The following SIPA1L1 variants were observed in gnomAD, a reference collection of about 807,000 sequenced individuals.
The protein encoded by SIPA1L1 is signal-induced proliferation-associated 1-like protein 1.
A neutral mutation model predicts 162.7 loss-of-function variants in SIPA1L1; 26 were observed. The ratio of observed to expected loss-of-function variants is 0.16; its 90% CI spans 0.12 to 0.22. The LOEUF is 0.22. SIPA1L1 is among the 10% of genes least tolerant of loss of function. The pLI is 1.00. For missense variants in SIPA1L1, 1,874 were observed against 2,241.0 expected (o/e 0.84, Z 3.31); for synonymous variants, 829 against 837.4 (o/e 0.99, Z 0.17).
chr14:71,630,690 G>C (rs2040478391), intron 7 of SIPA1L1, among the ~76,000 whole-genome samples: 1 of 152,050 alleles, frequency 6.6e-6, no homozygotes, highest in Non-Finnish European at 1.5e-5. Flanking sequence ...TTTACATTCA[G>C]GGGTTCCATT....
chr14:71,643,745 C>T (rs1196280417), intron 7 of SIPA1L1, among the ~76,000 whole-genome samples: 1 of 152,156 alleles, frequency 6.6e-6, no homozygotes, highest in Non-Finnish European at 1.5e-5. Flanking sequence ...ACGGCCTTTT[C>T]AGATAATTGT....
intron 2 of SIPA1L1, among the ~76,000 whole-genome samples, chr14:71,482,569 A>T (rs538862479): frequency 6.6e-6 from 1 of 152,330 alleles, no homozygotes; most frequent in African/African-American, 2.4e-5. Context: ...AAGTGTGTGG[A>T]AACGCGCCTC....
At chr14:71,678,745 T>C (rs910560913) in intron 12 of SIPA1L1, among the ~76,000 whole-genome samples, 8 of 152,070 alleles carry the variant, frequency 5.3e-5, no homozygotes, top group African/African-American at 1.9e-4. Flanking sequence ...TCTGGTAGAA[T>C]TCGGCTGTGA....
At chr14:71,355,884 G>GT (rs2037194587) in intron 2 of SIPA1L1, among the ~76,000 whole-genome samples, 1 of 152,220 alleles carries the variant, frequency 6.6e-6, no homozygotes, top group Non-Finnish European at 1.5e-5. Flanking sequence ...GTTGGTTGGG[G>GT]TTTTTTGTTA....
chr14:71,635,856 TGAAAG>T (rs2041092278), intron 7 of SIPA1L1, among the ~76,000 whole-genome samples: 1 of 152,010 alleles, frequency 6.6e-6, no homozygotes. Flanking sequence ...TATAAGTAGT[TGAAAG>T]GAAAGAATGG....
At chr14:71,705,150 C>T in intron 15 of SIPA1L1, 72 bp from the exon 16 acceptor site, 1 of 1,050,654 alleles carries the variant, frequency 9.5e-7, no homozygotes, top group Non-Finnish European at 1.5e-6. Flanking sequence ...CAATGGCAAG[C>T]CATCTTCATT....
At chr14:71,363,654 A>T (rs779729986) in intron 2 of SIPA1L1, among the ~76,000 whole-genome samples, 1 of 152,242 alleles carries the variant, frequency 6.6e-6, no homozygotes, top group South Asian at 2.1e-4. Flanking sequence ...GAAGAAGGAC[A>T]TTGGCAACTG....
intron 2 of SIPA1L1, among the ~76,000 whole-genome samples, chr14:71,474,841 A>G (rs897928130): frequency 6.6e-6 from 1 of 152,208 alleles, no homozygotes; most frequent in Admixed American, 6.5e-5. Flanking sequence ...GGCATTGCTA[A>G]TATATTCCAG....
chr14:71,416,097 A>G (rs569172970), intron 2 of SIPA1L1: 9 of 152,166 alleles, frequency 5.9e-5, no homozygotes, highest in African/African-American at 2.2e-4. Flanking sequence ...GAGGCCAGGC[A>G]CTTGTTTAGC....
chr14:71,639,898 GT>G (rs965400730), intron 7 of SIPA1L1, among the ~76,000 whole-genome samples: 10 of 92,438 alleles, frequency 1.1e-4, no homozygotes, highest in African/African-American at 2.2e-4. Flanking sequence ...GACTTTTTGG[GT>G]TTTTTTGTTT....
At chr14:71,682,067 G>A (rs1193940696) in intron 12 of SIPA1L1, among the ~76,000 whole-genome samples, 3 of 152,176 alleles carry the variant, frequency 2.0e-5, no homozygotes, top group Non-Finnish European at 4.4e-5. Context: ...TACCTACATA[G>A]TATGTATTAA....
chr14:71,569,639 T>G (rs1349338625), intron 4 of SIPA1L1, among the ~76,000 whole-genome samples: 2 of 152,180 alleles, frequency 1.3e-5, no homozygotes, highest in African/African-American at 4.8e-5. Context: ...GTAATAATAT[T>G]TAGTAGCTTG....
chr14:71,615,490 T>C (rs1347397281), intron 5 of SIPA1L1, among the ~76,000 whole-genome samples: 1 of 152,212 alleles, frequency 6.6e-6, no homozygotes, highest in African/African-American at 2.4e-5. Context: ...GATGATAGGA[T>C]AAATCAGTGG....
At chr14:71,525,865 G>A (rs976276038) in intron 3 of SIPA1L1, among the ~76,000 whole-genome samples, 7 of 152,172 alleles carry the variant, frequency 4.6e-5, no homozygotes, top group East Asian at 1.9e-4. Flanking sequence ...AGCAGATTAT[G>A]TTAAAATGCA....
chr14:71,487,740 G>A (rs2048889394), intron 2 of SIPA1L1, among the ~76,000 whole-genome samples: 1 of 152,170 alleles, frequency 6.6e-6, no homozygotes, highest in African/African-American at 2.4e-5. Flanking sequence ...ACCATGCTTT[G>A]TTTTATTGAA....
intron 2 of SIPA1L1, among the ~76,000 whole-genome samples, chr14:71,458,589 G>T (rs2046353470): frequency 6.6e-6 from 1 of 152,140 alleles, no homozygotes; most frequent in South Asian, 2.1e-4. Flanking sequence ...TATATAATAA[G>T]AAGTGGAAGT....
chr14:71,428,530 C>G (rs766514689), intron 2 of SIPA1L1, among the ~76,000 whole-genome samples: 27 of 151,960 alleles, frequency 1.8e-4, no homozygotes, highest in Non-Finnish European at 2.6e-4. Flanking sequence ...CTAATTTTCC[C>G]CATATATGTG....
chr14:71,662,067 C>T (rs1048001118), intron 10 of SIPA1L1, among the ~76,000 whole-genome samples: 10 of 152,282 alleles, frequency 6.6e-5, no homozygotes, highest in Middle Eastern at 3.4e-3. Context: ...GGACCTGTCA[C>T]GCTAGCTCGA....
At chr14:71,425,246 T>C (rs1283720396) in intron 2 of SIPA1L1, among the ~76,000 whole-genome samples, 1 of 152,102 alleles carries the variant, frequency 6.6e-6, no homozygotes, top group Non-Finnish European at 1.5e-5. Context: ...GTTTTTCTTT[T>C]GTTTAGTTTA....
Sources: allele counts gnomAD v4.1 joint callset (sites outside exome capture counted in the v4.1 genomes callset), GRCh38; gene constraint gnomAD v4.1.1; transcripts MANE v1.5; gene names NCBI Gene and HGNC (gene_info 2026-07-23, HGNC 2026-07-21).